The following DYM variants were observed in gnomAD, a reference collection of about 807,000 sequenced individuals.
DYM encodes the protein dyggve-Melchior-Clausen syndrome protein.
A neutral mutation model predicts 93.1 loss-of-function variants in DYM; 78 were observed. That is an observed-to-expected ratio of 0.84 (90% CI 0.70 to 1.01). The LOEUF (loss-of-function observed/expected upper bound fraction) is 1.01, where lower values mean the gene tolerates loss of function less well. DYM is among the 50% of genes least tolerant of loss of function. The pLI is 0.00. For synonymous variants in DYM, 321 were observed against 319.7 expected, an observed-to-expected ratio of 1.00 and a Z score of -0.04; for missense variants, 789 against 845.0, an observed-to-expected ratio of 0.93 and a Z score of 0.82.
At chr18:49,439,988 C>A (rs1409409645) in intron 1 of DYM, among the ~76,000 whole-genome samples, 1 of 148,886 alleles carries the variant, frequency 6.7e-6, no homozygotes, top group Admixed American at 6.8e-5. Context: ...TCAGCCTGGG[C>A]AACAGAGGGA....
intron 13 of DYM, among the ~76,000 whole-genome samples, chr18:49,212,371 C>T (rs2092822987): frequency 6.6e-6 from 1 of 152,060 alleles, no homozygotes; most frequent in Non-Finnish European, 1.5e-5. Flanking sequence ...GACATCATGT[C>T]TGTAAACTTA....
At chr18:49,091,095 TGA>T (rs545966232) in intron 17 of DYM, among the ~76,000 whole-genome samples, 65 of 152,294 alleles carry the variant, frequency 4.3e-4, no homozygotes, top group Admixed American at 2.1e-3. Flanking sequence ...AATGTTTTCT[TGA>T]AGCAGCACTT....
intron 17 of DYM, among the ~76,000 whole-genome samples, chr18:49,046,881 G>A (rs150465931): frequency 3.9e-5 from 6 of 152,234 alleles, no homozygotes; most frequent in African/African-American, 1.4e-4. Flanking sequence ...GCCTAAGAGT[G>A]ATATCCTGTC....
rs193243333 is a variant in DYM at position 49,108,742 on chromosome 18, G to A, written c.1911+10002C>T. ...TGTGAACTCATCAAGTTGGTGGTTA[G>A]TATTGTTTGGGTCTTCTGTATCATC... is the stretch of plus-strand genomic sequence containing the variant. On this transcript the variant is annotated intron_variant, in intron 16 of 17. Coordinates refer to ENST00000675505, the MANE Select transcript of DYM (RefSeq NM_001353214.3). 5.9e-5 allele frequency among the ~76,000 whole-genome samples: 9 copies of A among 152,282 alleles called. No homozygotes were observed. The East Asian group carries it at 1.4e-3, about 23-fold the overall frequency.
intron 15 of DYM, among the ~76,000 whole-genome samples, chr18:49,160,938 T>C (rs1213305891): frequency 6.6e-6 from 1 of 152,172 alleles, no homozygotes; most frequent in African/African-American, 2.4e-5. Context: ...TTCAGGTCTC[T>C]ATCAGGAGTG....
chr18:49,147,966 G>A (rs534060068), intron 15 of DYM, among the ~76,000 whole-genome samples: 29 of 152,236 alleles, frequency 1.9e-4, no homozygotes, highest in East Asian at 1.3e-3. Context: ...ATGATAGACC[G>A]GATTAAGAAA....
At chr18:49,244,707 G>A (rs1325314550) in intron 13 of DYM, among the ~76,000 whole-genome samples, 1 of 151,920 alleles carries the variant, frequency 6.6e-6, no homozygotes, top group Non-Finnish European at 1.5e-5. Context: ...CACAGAAGAA[G>A]AAGAAGAAAA....
chr18:49,352,725 G>A (rs915895827), intron 6 of DYM, among the ~76,000 whole-genome samples: 9 of 152,062 alleles, frequency 5.9e-5, no homozygotes, highest in African/African-American at 1.9e-4. Flanking sequence ...AAAACCTCCC[G>A]TGATACTGGA....
At chr18:49,418,109 C>T (rs2073209341) in intron 2 of DYM, 1 of 146,480 alleles carries the variant, frequency 6.8e-6, no homozygotes, top group African/African-American at 2.5e-5. Flanking sequence ...CAAGAGACAT[C>T]ATATATCCAG....
At chr18:49,271,870 T>C (rs564108000) in intron 11 of DYM, among the ~76,000 whole-genome samples, 1 of 152,154 alleles carries the variant, frequency 6.6e-6, no homozygotes, top group South Asian at 2.1e-4. Flanking sequence ...CAAACCTGTT[T>C]GACAATTTCT....
At chr18:49,440,414 TATATA>T (rs2081250109) in intron 1 of DYM, among the ~76,000 whole-genome samples, 1 of 117,840 alleles carries the variant, frequency 8.5e-6, no homozygotes, top group African/African-American at 3.5e-5. Flanking sequence ...TTATATATGC[TATATA>T]ATATATATTT....
chr18:49,270,637 T>G (rs2094672985), intron 11 of DYM, among the ~76,000 whole-genome samples: 1 of 152,194 alleles, frequency 6.6e-6, no homozygotes, highest in Non-Finnish European at 1.5e-5. Flanking sequence ...CTGACTATAG[T>G]AGCCATTTCT....
intron 17 of DYM, among the ~76,000 whole-genome samples, 161 bp from the exon 18 acceptor site, chr18:49,044,365 C>G (rs2071192504): frequency 6.6e-6 from 1 of 152,328 alleles, no homozygotes; most frequent in African/African-American, 2.4e-5. Flanking sequence ...TTTCAGCTAT[C>G]AAATGGCTCC....
At chr18:49,303,352 A>G (rs918451628) in intron 8 of DYM, among the ~76,000 whole-genome samples, 1 of 152,254 alleles carries the variant, frequency 6.6e-6, no homozygotes, top group African/African-American at 2.4e-5. Flanking sequence ...CCATGATTTT[A>G]AAGAAGAAAA....
At chr18:49,449,604 A>T (rs2148683676) in intron 1 of DYM, among the ~76,000 whole-genome samples, 1 of 152,006 alleles carries the variant, frequency 6.6e-6, no homozygotes, top group African/African-American at 2.4e-5. Flanking sequence ...GAAGCCTGAC[A>T]TGCTGGCAAA....
intron 8 of DYM, among the ~76,000 whole-genome samples, chr18:49,312,829 G>A (rs2061682856): frequency 6.6e-6 from 1 of 152,138 alleles, no homozygotes; most frequent in Non-Finnish European, 1.5e-5. Context: ...GTTAGCTCTT[G>A]GCTTTGAGAG....
At chr18:49,267,845 C>G (rs1170730583) in intron 11 of DYM, among the ~76,000 whole-genome samples, 1 of 152,192 alleles carries the variant, frequency 6.6e-6, no homozygotes, top group African/African-American at 2.4e-5. Context: ...TTGCAGTGAG[C>G]TGGATCCTGC....
chr18:49,156,829 G>T (rs1479593713), intron 15 of DYM, among the ~76,000 whole-genome samples: 12 of 152,040 alleles, frequency 7.9e-5, no homozygotes, highest in African/African-American at 2.7e-4. Flanking sequence ...TAGATGCAAG[G>T]GAGCTGGAAA....
At position 49,236,487 on chromosome 18, in the gene DYM, A is replaced by AAATAAAT. The variant is rs1555652862; in HGVS notation, c.1460+20522_1460+20523insATTTATT. 9.6e-4 allele frequency among the ~76,000 whole-genome samples: 143 copies of AAATAAAT among 149,220 alleles called. No homozygotes were observed. The South Asian group carries it at 0.016, about 17-fold the overall frequency. On this transcript the variant is annotated intron_variant, in intron 13 of 17. Transcript: ENST00000675505. ...AGAGCGAGACTCTGTCTCAAAAAAA[A>AAATAAAT]AAATAAATAAATAAATAAATAGCCA...
Sources: allele counts gnomAD v4.1 joint callset (sites outside exome capture counted in the v4.1 genomes callset), GRCh38; gene constraint gnomAD v4.1.1; transcripts MANE v1.5; gene names NCBI Gene and HGNC (gene_info 2026-07-23, HGNC 2026-07-21).